Variants in KIF2A observed in about 807,000 individuals in gnomAD.
KIF2A encodes the protein kinesin family member 2A.
KIF2A carries 22 observed loss-of-function variants against 100.2 expected under a neutral mutation model. That is an observed-to-expected ratio of 0.22 (90% CI 0.16 to 0.31). The LOEUF is 0.31. Among genes scored for constraint, KIF2A ranks in the 10% least tolerant of loss-of-function variants. KIF2A has a pLI of 1.00. For synonymous variants in KIF2A, 268 were observed against 285.9 expected (o/e 0.94, Z 0.63); for missense variants, 495 against 898.7 (o/e 0.55, Z 5.74).
Position 62,389,278 on chromosome 5 carries a change from T to C in KIF2A, c.*3709T>C, listed in dbSNP as rs934235997. On this transcript the variant is annotated 3_prime_UTR_variant, in exon 21 of 21. Transcript: ENST00000407818. ...AGGCGGGTGGATTACCTGAGGTCAG[T>C]AGTTCGAGAACAGTCTGGCCAACAT... Among the ~76,000 whole-genome samples the C allele has an allele frequency of 6.6e-6, 1 of 151,742 alleles. No homozygotes were observed. Among genetic ancestry groups the C allele is most frequent in the Non-Finnish European group, 1.5e-5 (1 of 67,922 alleles).
In KIF2A at chr5:62,350,967, C is replaced by A. The variant is rs114020289; in HGVS notation, c.334+847C>A. Among the ~76,000 whole-genome samples, 621 of 151,934 alleles carry A rather than the reference C, an allele frequency of 4.1e-3. 3 individuals carry two copies. Among genetic ancestry groups the A allele is most frequent in the African/African-American group, 0.013 (550 of 41,430 alleles). On this transcript the variant is annotated intron_variant, in intron 4 of 20. Coordinates refer to ENST00000407818, the MANE Select transcript of KIF2A (RefSeq NM_001098511.3). ...GGGATGATGGCTGGGAACGGTGGCT[C>A]ACCCCTGAAATCCCAGCACTTTGAG... is the stretch of plus-strand genomic sequence containing the variant.
At chr5:62,310,874 T>C (rs1345759107) in intron 1 of KIF2A, among the ~76,000 whole-genome samples, 5 of 152,320 alleles carry the variant, frequency 3.3e-5, no homozygotes, top group African/African-American at 1.2e-4. Context: ...GTTTTTTTTT[T>C]CTTTTAGCTG....
At chr5:62,357,796 ATGTAT>A in intron 8 of KIF2A, 51 bp downstream of exon 8, 1 of 1,081,224 alleles carries the variant, frequency 9.2e-7, no homozygotes. Context: ...CTTATTTGTA[ATGTAT>A]TTTTATAATA....
Position 62,363,225 on chromosome 5 carries a change from T to C in KIF2A, c.1167T>C (p.Asp389=), listed in dbSNP as rs2111959334. The C allele has an allele frequency of 6.2e-7, 1 of 1,613,156 alleles. No individual in the cohort carries two copies. The highest frequency in any genetic ancestry group is 8.5e-7 in the Non-Finnish European group (1 of 1,179,442). ...AAACAAAATTAAGAGTTCTAGAAGA[T>C]GGAAAACAGCAGGTTCAAGTGGTGG... ...NRKTKLRVLE[D]GKQQVQVVGL... is the part of the protein sequence containing the mutation. The change falls in exon 13 of 21, where the codon GAT becomes GAC. Residue 389 remains aspartate, a synonymous_variant. Transcript: ENST00000407818.
intron 6 of KIF2A, among the ~76,000 whole-genome samples, chr5:62,354,461 A>T (rs1420041138): frequency 6.6e-6 from 1 of 152,298 alleles, no homozygotes; most frequent in East Asian, 1.9e-4. Flanking sequence ...AATGATTAAT[A>T]ATTTATTGTT....
chr5:62,363,934 T>C, intron 14 of KIF2A, 35 bp downstream of exon 14: 1 of 1,497,210 alleles, frequency 6.7e-7, no homozygotes, highest in Non-Finnish European at 9.1e-7. Context: ...AAAGGTCTTT[T>C]ACTTTTGACT....
At chr5:62,378,369 TATC>T (rs1275341486) in intron 19 of KIF2A, among the ~76,000 whole-genome samples, 3 of 152,206 alleles carry the variant, frequency 2.0e-5, no homozygotes, top group Non-Finnish European at 2.9e-5. Context: ...GGAGTGAAGA[TATC>T]ATTTGGACAT....
intron 9 of KIF2A, among the ~76,000 whole-genome samples, chr5:62,358,932 A>G (rs1428360973): frequency 1.3e-5 from 2 of 152,212 alleles, no homozygotes; most frequent in African/African-American, 2.4e-5. Flanking sequence ...TGGCTTCCCA[A>G]AGTGCTGGGA....
At chr5:62,383,761 A>C (rs1012285366) in intron 20 of KIF2A, among the ~76,000 whole-genome samples, 2 of 152,170 alleles carry the variant, frequency 1.3e-5, no homozygotes, top group Non-Finnish European at 2.9e-5. Context: ...TATCCATTTT[A>C]TTCAGAAGAC....
At chr5:62,345,475 C>CT (rs1180070326) in intron 1 of KIF2A, among the ~76,000 whole-genome samples, 1 of 138,490 alleles carries the variant, frequency 7.2e-6, no homozygotes, top group Non-Finnish European at 1.5e-5. Context: ...GCTTGAGACT[C>CT]TGTCTCAAAA....
chr5:62,310,369 AT>A (rs1219144190), intron 1 of KIF2A, among the ~76,000 whole-genome samples: 2 of 152,130 alleles, frequency 1.3e-5, no homozygotes, highest in African/African-American at 2.4e-5. Flanking sequence ...TGACTCTTAA[AT>A]TCCCTGAATG....
intron 1 of KIF2A, among the ~76,000 whole-genome samples, chr5:62,341,686 T>G (rs549473528): frequency 8.6e-5 from 13 of 152,006 alleles, no homozygotes; most frequent in Non-Finnish European, 1.6e-4. Context: ...CGACCTGTAG[T>G]CCTGGTACGA....
At chr5:62,311,027 T>C (rs1380491590) in intron 1 of KIF2A, among the ~76,000 whole-genome samples, 6 of 152,214 alleles carry the variant, frequency 3.9e-5, no homozygotes, top group Non-Finnish European at 8.8e-5. Flanking sequence ...GTGACTGTAT[T>C]GATACATGTA....
At chr5:62,377,557 C>A in intron 18 of KIF2A, 104 bp from the exon 19 acceptor site, 1 of 564,508 alleles carries the variant, frequency 1.8e-6, no homozygotes, top group Non-Finnish European at 3.0e-6. Flanking sequence ...ACCATTCAAG[C>A]CTCTTCAATT....
chr5:62,310,892 A>T, intron 1 of KIF2A, among the ~76,000 whole-genome samples: 1 of 151,612 alleles, frequency 6.6e-6, no homozygotes, highest in African/African-American at 2.4e-5. Context: ...CTGTGCTGTT[A>T]ACAGTTCTGT....
intron 1 of KIF2A, among the ~76,000 whole-genome samples, chr5:62,322,875 T>TTG (rs1746170906): frequency 7.3e-6 from 1 of 137,326 alleles, no homozygotes; most frequent in Non-Finnish European, 1.5e-5. Flanking sequence ...TTTTTTTTTT[T>TTG]AATGATCATA....
intron 20 of KIF2A, among the ~76,000 whole-genome samples, chr5:62,381,456 A>G (rs1741769022): frequency 6.6e-6 from 1 of 152,232 alleles, no homozygotes; most frequent in South Asian, 2.1e-4. Flanking sequence ...TTTCTCTCAT[A>G]TTTTAAGAAG....
intron 20 of KIF2A, among the ~76,000 whole-genome samples, chr5:62,382,824 A>C (rs566214144): frequency 6.6e-6 from 1 of 151,254 alleles, no homozygotes; most frequent in Non-Finnish European, 1.5e-5. Flanking sequence ...ACGGGGTTTC[A>C]CCATGTTGGC....
Position 62,306,432 on chromosome 5 carries a change from TC to T in KIF2A, c.-36del. The T allele has an allele frequency of 1.4e-6, 1 of 737,342 alleles. No homozygotes were observed. Among genetic ancestry groups the T allele is most frequent in the Non-Finnish European group, 2.0e-6 (1 of 504,106 alleles). 45.7% of individuals were successfully genotyped at this position (737,342 alleles called of 1,614,324 possible). A position where few individuals can be genotyped will look rare whatever the true frequency, so the allele number is the denominator to read the frequency against. On this transcript the variant is annotated 5_prime_UTR_variant, in exon 1 of 21. Transcript: ENST00000407818. ...CCTCCCCGCCTTTTCCGCCCTCCGG[TC>T]CCCCTCCCTCGGCCCGCTGCTGCTG...
Sources: allele counts gnomAD v4.1 joint callset (sites outside exome capture counted in the v4.1 genomes callset), GRCh38; gene constraint gnomAD v4.1.1; transcripts MANE v1.5; gene names NCBI Gene and HGNC (gene_info 2026-07-23, HGNC 2026-07-21).